Variants in SATB1 observed in about 807,000 individuals in gnomAD.
SATB1 encodes DNA-binding protein SATB1.
In SATB1, 11 loss-of-function variants were observed where a neutral mutation model predicts 86.9. The observed-to-expected ratio is 0.13, with a 90% CI of 0.08 to 0.21. SATB1 has a LOEUF of 0.21. Ranked by LOEUF, SATB1 falls within the 10% of genes least tolerant of loss-of-function variation. The probability of loss-of-function intolerance (pLI) is 1.00; values close to 1 mark genes in which losing one functional copy is unlikely to be tolerated. For missense variants in SATB1, 551 were observed against 937.6 expected (o/e 0.59, Z 5.39); for synonymous variants, 357 against 357.2 (o/e 1.00, Z 0.01).
chr3:18,396,752 A>G (rs1696982063), intron 6 of SATB1, among the ~76,000 whole-genome samples: 1 of 152,202 alleles, frequency 6.6e-6, no homozygotes, highest in African/African-American at 2.4e-5. Flanking sequence ...TGGAAACTAT[A>G]AATAGTTTAA....
At position 18,351,903 on chromosome 3, in the gene SATB1, T is replaced by G. The variant is rs534465761; in HGVS notation, c.1779+89A>C. The G allele has an allele frequency of 1.0e-5, 13 of 1,253,636 alleles. No homozygotes were observed. In the South Asian group the frequency reaches 1.4e-4, roughly 13 times the overall value. The allele number at this position is 1,253,636 out of a possible 1,614,324, so 77.7% of individuals were successfully genotyped here. A position where few individuals can be genotyped will look rare whatever the true frequency, so the allele number is the denominator to read the frequency against. On this transcript the variant is annotated intron_variant, in intron 10 of 10. Transcript: ENST00000338745. ...CTTGCTAAAAAGCCTATGGTTAGAC[T>G]GGCAGGAGGAAGAGAAACGCTAATT...
intron 2 of SATB1, chr3:18,417,305 A>G (rs1430495737): frequency 5.2e-6 from 3 of 582,160 alleles, no homozygotes; most frequent in Non-Finnish European, 9.0e-6. Flanking sequence ...ACTTGGTCCT[A>G]AGGTAAGCTG....
At chr3:18,364,544 C>T (rs1306116865) in intron 9 of SATB1, among the ~76,000 whole-genome samples, 2 of 151,894 alleles carry the variant, frequency 1.3e-5, no homozygotes, top group Non-Finnish European at 2.9e-5. Flanking sequence ...AAAATGTCAA[C>T]TTTCAGTAAG....
chr3:18,387,183 C>T (rs765224675), intron 7 of SATB1, among the ~76,000 whole-genome samples: 3 of 152,192 alleles, frequency 2.0e-5, no homozygotes, highest in African/African-American at 4.8e-5. Flanking sequence ...CATGACACTA[C>T]GTGACCCTTT....
rs370500680 is a variant in SATB1 at position 18,420,877 on chromosome 3, C to T, written c.91G>A (p.Ala31Thr). 2 of 1,614,076 alleles carry T rather than the reference C, an allele frequency of 1.2e-6. No homozygotes were observed. Among genetic ancestry groups the T allele is most frequent in the Non-Finnish European group, 1.7e-6 (2 of 1,180,030 alleles). ...GGGCTCCCGTTCTGCTCCAGGCGGG[C>T]AATCTTGGCTGGTGGACCCTTCGGA... ...SDPKGPPAKI[A>T]RLEQNGSPLG... Residue 31 changes from alanine to threonine, a missense_variant, in exon 2 of 11, where the codon GCC becomes ACC. By Grantham distance (58) the Ala-to-Thr change is moderately conservative. Coordinates refer to ENST00000338745, the MANE Select transcript of SATB1 (RefSeq NM_002971.6).
At chr3:18,365,635 T>C (rs1225446199) in intron 9 of SATB1, among the ~76,000 whole-genome samples, 2 of 152,136 alleles carry the variant, frequency 1.3e-5, no homozygotes, top group Admixed American at 6.6e-5. Context: ...GTAGAAAAGA[T>C]GGTAAGGGGG....
rs527782063 is a variant in SATB1 at position 18,380,692 on chromosome 3, T to C, written c.1420-2367A>G. ...GTTGGCCCAGATACACATCTTATCA[T>C]AGATAAGCTATTAGAATTCTAGAAT... On this transcript the variant is annotated intron_variant, in intron 8 of 10. Transcript: ENST00000338745. Among the ~76,000 whole-genome samples, 150 of 152,098 alleles carry C rather than the reference T, an allele frequency of 9.9e-4. 1 individual carries two copies. The highest frequency in any genetic ancestry group is 3.4e-3 in the African/African-American group (141 of 41,548).
At chr3:18,379,064 T>C (rs1230102222) in intron 8 of SATB1, among the ~76,000 whole-genome samples, 1 of 152,226 alleles carries the variant, frequency 6.6e-6, no homozygotes, top group Non-Finnish European at 1.5e-5. Flanking sequence ...AATATTGCTG[T>C]AAGCATCACA....
intron 5 of SATB1, among the ~76,000 whole-genome samples, chr3:18,399,118 CAT>C (rs1395170847): frequency 7.2e-5 from 11 of 152,178 alleles, no homozygotes; most frequent in African/African-American, 1.9e-4. Context: ...TAATAATACA[CAT>C]GAGTTCTAGA....
intron 1 of SATB1, among the ~76,000 whole-genome samples, chr3:18,423,386 C>A (rs1217633064): frequency 1.3e-5 from 2 of 152,056 alleles, no homozygotes; most frequent in East Asian, 3.8e-4. Context: ...TTTTTAGGAA[C>A]CGATTTTTTG....
At chr3:18,364,726 T>C (rs192904944) in intron 9 of SATB1, among the ~76,000 whole-genome samples, 2 of 152,150 alleles carry the variant, frequency 1.3e-5, no homozygotes, top group East Asian at 3.9e-4. Context: ...TATGTATATA[T>C]ATATACACAC....
At chr3:18,410,244 T>C (rs1034317573) in intron 5 of SATB1, among the ~76,000 whole-genome samples, 6 of 152,088 alleles carry the variant, frequency 3.9e-5, no homozygotes, top group Non-Finnish European at 8.8e-5. Flanking sequence ...CTTGGAAAAC[T>C]ACAAGTAGTT....
At chr3:18,366,352 T>TCA (rs1695185572) in intron 9 of SATB1, among the ~76,000 whole-genome samples, 1 of 152,100 alleles carries the variant, frequency 6.6e-6, no homozygotes, top group Non-Finnish European at 1.5e-5. Flanking sequence ...AAATCTGTGA[T>TCA]TTCTCATCAA....
At chr3:18,364,673 C>CGT (rs200519440) in intron 9 of SATB1, among the ~76,000 whole-genome samples, 1 of 151,554 alleles carries the variant, frequency 6.6e-6, no homozygotes, top group East Asian at 1.9e-4. Context: ...CCCACATAAA[C>CGT]GTGTGTGTGT....
chr3:18,401,435 G>A (rs1413738442), intron 5 of SATB1, among the ~76,000 whole-genome samples: 4 of 151,936 alleles, frequency 2.6e-5, no homozygotes, highest in Non-Finnish European at 4.4e-5. Flanking sequence ...CAGATGTCTC[G>A]GAAGTTGCAG....
chr3:18,372,020 C>A (rs918232774), intron 9 of SATB1, among the ~76,000 whole-genome samples: 1 of 152,160 alleles, frequency 6.6e-6, no homozygotes, highest in African/African-American at 2.4e-5. Context: ...AGAAGAGCTT[C>A]CAAAAAGAGA....
chr3:18,388,495 G>C (rs1040167960), intron 7 of SATB1, among the ~76,000 whole-genome samples: 1 of 152,188 alleles, frequency 6.6e-6, no homozygotes, highest in South Asian at 2.1e-4. Flanking sequence ...CAAATTCCTT[G>C]AGCATAATAA....
chr3:18,434,466 A>G (rs1698995606), intron 2 of SATB1, among the ~76,000 whole-genome samples: 1 of 152,032 alleles, frequency 6.6e-6, no homozygotes, highest in Admixed American at 6.6e-5. Context: ...ACAAGAGAGT[A>G]TTCCACAATT....
At chr3:18,426,092 C>G (rs1698690427), upstream of SATB1, among the ~76,000 whole-genome samples, 1 of 152,074 alleles carries the variant, frequency 6.6e-6, no homozygotes, top group Admixed American at 6.5e-5. This position sits in a 1 kb window ranked among gnomAD's most constrained non-coding sequence, Gnocchi z 4.2. Flanking sequence ...GGGGTACAGA[C>G]GGAAGGCAGT....
Sources: allele counts gnomAD v4.1 joint callset (sites outside exome capture counted in the v4.1 genomes callset), GRCh38; gene constraint gnomAD v4.1.1; non-coding constraint Gnocchi (gnomAD v3.1); transcripts MANE v1.5; gene names NCBI Gene and HGNC (gene_info 2026-07-23, HGNC 2026-07-21).